CASD1: variants seen among roughly 807,000 people sequenced by gnomAD.
The protein encoded by CASD1 is CAS1 domain sialic acid O acetyltransferase 1, also known as N-acetylneuraminate (7)9-O-acetyltransferase.
In CASD1, 41 loss-of-function variants were observed where a neutral mutation model predicts 100.0. That is an observed-to-expected ratio of 0.41 (90% CI 0.32 to 0.53). The LOEUF is 0.53. Ranked by LOEUF, CASD1 falls within the 20% of genes least tolerant of loss-of-function variation. The probability of loss-of-function intolerance (pLI) is 0.25; values close to 1 mark genes in which losing one functional copy is unlikely to be tolerated. For missense variants in CASD1, 774 were observed against 948.7 expected (o/e 0.82, Z 2.42); for synonymous variants, 321 against 315.6 (o/e 1.02, Z -0.18).
intron 10 of CASD1, among the ~76,000 whole-genome samples, chr7:94,539,678 AAAAAAAG>A (rs1276014110): frequency 6.6e-6 from 1 of 151,730 alleles, no homozygotes; most frequent in African/African-American, 2.4e-5. Flanking sequence ...CAAAAAAAAA[AAAAAAAG>A]AAAAAAGGAA....
Position 94,532,834 on chromosome 7 carries a change from A to G in CASD1, c.460-371A>G, listed in dbSNP as rs1341404662. On this transcript the variant is annotated intron_variant, in intron 5 of 17. Transcript: ENST00000297273. ...TTAACACTTACACTGTGTACCCTGTAGGCTTCCATGATTACCTTTTAATTG... is the reference window on the plus strand; with the variant it reads ...TTAACACTTACACTGTGTACCCTGTGGGCTTCCATGATTACCTTTTAATTG... Among the ~76,000 whole-genome samples the G allele has an allele frequency of 2.0e-5, 3 of 152,178 alleles. No homozygotes were observed. In the East Asian group the frequency reaches 5.8e-4, roughly 29 times the overall value.
the CASD1 span, among the ~76,000 whole-genome samples, chr7:94,592,573 G>T: frequency 6.6e-6 from 1 of 152,066 alleles, no homozygotes; most frequent in Non-Finnish European, 1.5e-5. Flanking sequence ...TTAATTTCAT[G>T]CATTTAAATA....
intron 1 of CASD1, among the ~76,000 whole-genome samples, chr7:94,512,104 G>A (rs1164528897): frequency 1.3e-5 from 2 of 152,164 alleles, no homozygotes; most frequent in African/African-American, 4.8e-5. Context: ...CAGGTGCAAT[G>A]CCCTTCACAC....
At chr7:94,567,790 T>G in the CASD1 span, among the ~76,000 whole-genome samples, 32 of 152,164 alleles carry the variant, frequency 2.1e-4, no homozygotes, top group African/African-American at 7.7e-4. Flanking sequence ...TAGTGAAAAG[T>G]TTTATTTTTC....
the CASD1 span, chr7:94,588,544 G>T: frequency 6.7e-7 from 1 of 1,492,372 alleles, no homozygotes; most frequent in Non-Finnish European, 8.9e-7. Flanking sequence ...CTATTATTCT[G>T]AGGTTTTAAG....
the CASD1 span, among the ~76,000 whole-genome samples, chr7:94,595,586 C>T: frequency 2.6e-5 from 4 of 151,880 alleles, no homozygotes; most frequent in African/African-American, 7.2e-5. Context: ...TGTAATGCCT[C>T]CCAAAATATA....
chr7:94,573,976 A>G, the CASD1 span, among the ~76,000 whole-genome samples: 6 of 152,148 alleles, frequency 3.9e-5, no homozygotes, highest in African/African-American at 9.7e-5. Context: ...TTCTGCATCT[A>G]TTGAGATAAC....
chr7:94,595,879 A>T, the CASD1 span, among the ~76,000 whole-genome samples: 2 of 152,144 alleles, frequency 1.3e-5, no homozygotes, highest in African/African-American at 4.8e-5. Flanking sequence ...GAAAGATAAT[A>T]TACACTCAAC....
In CASD1 at chr7:94,555,962, C is replaced by CA; in HGVS notation, c.*207dup. On this transcript the variant is annotated 3_prime_UTR_variant, in exon 18 of 18. Coordinates refer to ENST00000297273, the MANE Select transcript of CASD1 (RefSeq NM_022900.5). Reference sequence around the variant, plus strand: ...AATATGAAATACTAAAACAAACAAACAAACAAAAAACCAGAATGCATTGTA... The same window carrying CA: ...AATATGAAATACTAAAACAAACAAACAAAACAAAAAACCAGAATGCATTGTA... 1.9e-6 allele frequency: 1 copy of CA among 532,232 alleles called. No individual in the cohort carries two copies. The highest frequency in any genetic ancestry group is 3.2e-6 in the Non-Finnish European group (1 of 310,504). 33.0% of individuals were successfully genotyped at this position (532,232 alleles called of 1,614,324 possible). A position where few individuals can be genotyped will look rare whatever the true frequency, so the allele number is the denominator to read the frequency against.
chr7:94,596,787 CT>C, the CASD1 span, among the ~76,000 whole-genome samples: 3 of 152,032 alleles, frequency 2.0e-5, no homozygotes, highest in African/African-American at 7.2e-5. Flanking sequence ...TGTTAGAATT[CT>C]GCAGTGTTGC....
At chr7:94,625,953 C>T in the CASD1 span, 2 of 152,074 alleles carry the variant, frequency 1.3e-5, no homozygotes, top group East Asian at 3.9e-4. Context: ...GGATACTCAA[C>T]TGTATGAGAT....
chr7:94,607,653 A>G, the CASD1 span, among the ~76,000 whole-genome samples: 1 of 152,228 alleles, frequency 6.6e-6, no homozygotes, highest in South Asian at 2.1e-4. Flanking sequence ...AATTTCCTCA[A>G]TTTGATACCT....
In CASD1 at chr7:94,517,576, A is replaced by C; in HGVS notation, c.150A>C (p.Glu50Asp). 6.2e-7 allele frequency: 1 copy of C among 1,611,724 alleles called. No homozygotes were observed. Among genetic ancestry groups the C allele is most frequent in the Non-Finnish European group, 8.5e-7 (1 of 1,178,370 alleles). The change falls in exon 2 of 18, where the codon GAA becomes GAC. Residue 50 changes from glutamate to aspartate, a missense_variant. Transcript: ENST00000297273. ...SRRYRGNDSC[E>D]YLLSSGRFLG... The stretch of plus-strand genomic sequence containing the variant: ...CTGTTTTAGGCAATGATTCGTGTGA[A>C]TACCTTCTCTCAAGTGGCAGATTTC...
At position 94,555,866 on chromosome 7, in the gene CASD1, T is replaced by G; in HGVS notation, c.*108T>G. On this transcript the variant is annotated 3_prime_UTR_variant, in exon 18 of 18. Coordinates refer to ENST00000297273, the MANE Select transcript of CASD1 (RefSeq NM_022900.5). ...AAATGTGTATGTAAATATAAACGTT[T>G]GTGGCAAGAGGACAGTTCTGTGACA... 2.6e-6 allele frequency: 3 copies of G among 1,174,436 alleles called. No homozygotes were observed. In the South Asian group the frequency reaches 4.6e-5, roughly 18 times the overall value. 72.8% of individuals were successfully genotyped at this position (1,174,436 alleles called of 1,614,324 possible).
chr7:94,615,942 A>AG, the CASD1 span, among the ~76,000 whole-genome samples: 1 of 152,252 alleles, frequency 6.6e-6, no homozygotes, highest in African/African-American at 2.4e-5. Flanking sequence ...GCCCAGAAAC[A>AG]GCACAGTTGC....
chr7:94,596,163 G>A, the CASD1 span, among the ~76,000 whole-genome samples: 6 of 152,076 alleles, frequency 3.9e-5, no homozygotes, highest in African/African-American at 1.2e-4. Context: ...TCAACCTAAT[G>A]ACAGTCTTGA....
rs1460195744 is a variant in CASD1 at position 94,550,355 on chromosome 7, A to G, written c.1815+721A>G. Among the ~76,000 whole-genome samples, 3 of 151,988 alleles carry G rather than the reference A, an allele frequency of 2.0e-5. No homozygotes were observed. In the East Asian group the frequency reaches 5.8e-4, roughly 29 times the overall value. ...GTTTCCAACCCCTATGCATTTTTCC[A>G]GTGTACTACATTGCATTTCAAAACC... is the stretch of plus-strand genomic sequence containing the variant. On this transcript the variant is annotated intron_variant, in intron 14 of 17. Coordinates refer to ENST00000297273, the MANE Select transcript of CASD1 (RefSeq NM_022900.5).
the CASD1 span, among the ~76,000 whole-genome samples, chr7:94,580,790 A>G: frequency 2.0e-5 from 3 of 152,204 alleles, no homozygotes; most frequent in Non-Finnish European, 2.9e-5. Context: ...TTCTTCGCAT[A>G]CCAGCACTGA....
At chr7:94,529,551 A>T (rs982448398) in intron 5 of CASD1, among the ~76,000 whole-genome samples, 4 of 152,082 alleles carry the variant, frequency 2.6e-5, no homozygotes, top group Non-Finnish European at 5.9e-5. Context: ...GGATGTATGT[A>T]TTTACTTTTT....
Sources: gnomAD v4.1 joint callset for allele counts (sites outside exome capture counted in the v4.1 genomes callset) on GRCh38, gnomAD v4.1.1 for gene constraint, MANE v1.5 for transcripts, NCBI Gene and HGNC (gene_info 2026-07-23, HGNC 2026-07-21) for gene names.